The following ALOX5 variants were observed in gnomAD, a reference collection of about 807,000 sequenced individuals.
The protein encoded by ALOX5 is arachidonate 5-lipoxygenase, also known as polyunsaturated fatty acid 5-lipoxygenase.
Under a neutral mutation model 87.9 loss-of-function variants are expected in ALOX5, and 64 were observed. That is an observed-to-expected ratio of 0.73 (90% CI 0.60 to 0.90). ALOX5 has a LOEUF of 0.90. Among genes scored for constraint, ALOX5 ranks in the 40% least tolerant of loss-of-function variants. ALOX5 has a pLI of 0.00. For missense variants in ALOX5, 822 were observed against 907.5 expected, an observed-to-expected ratio of 0.91 and a Z score of 1.21; for synonymous variants, 388 against 355.1, an observed-to-expected ratio of 1.09 and a Z score of -1.04.
Position 45,425,015 on chromosome 10 carries a change from T to C in ALOX5, c.717T>C (p.Asn239=). 1 of 1,614,218 alleles carries C rather than the reference T, an allele frequency of 6.2e-7. No individual in the cohort carries two copies. Among genetic ancestry groups the C allele is most frequent in the Non-Finnish European group, 8.5e-7 (1 of 1,180,038 alleles). Residue 239 remains asparagine, a synonymous_variant, in exon 6 of 14, where the codon AAT becomes AAC. Transcript: ENST00000374391. This position sits in a 1 kb window ranked among gnomAD's most constrained non-coding sequence, Gnocchi z 4.4. ...EDLMFGYQFL[N]GCNPVLIRRC... is the part of the protein sequence containing the mutation. ...TGATGTTTGGCTACCAGTTCCTGAA[T>C]GGCTGCAACCCTGTGTTGATCCGGC...
chr10:45,412,106 G>T, intron 3 of ALOX5, 85 bp from the exon 4 acceptor site: 6 of 1,573,430 alleles, frequency 3.8e-6, no homozygotes, highest in South Asian at 1.1e-5. Context: ...GTGTAACATC[G>T]TCTGACAGTG....
chr10:45,390,222 A>C (rs1840167622), intron 2 of ALOX5, among the ~76,000 whole-genome samples: 1 of 152,152 alleles, frequency 6.6e-6, no homozygotes, highest in Non-Finnish European at 1.5e-5. Flanking sequence ...AGAGACCTAG[A>C]CTCCCACACA....
intron 7 of ALOX5, among the ~76,000 whole-genome samples, chr10:45,431,726 C>T (rs910837781): frequency 2.0e-5 from 3 of 152,002 alleles, no homozygotes; most frequent in African/African-American, 7.2e-5. Context: ...GCACCTGCCA[C>T]CACGCCCAGC....
rs370703478 is a variant in ALOX5, at chr10:45,380,899, G to T, written c.151-1584G>T. ...GGAGGTTGCAGTGAGCCGAGATCGAGCCACTGCACTCCAGCCTGAGCAACA... is the reference window on the plus strand; with the variant it reads ...GGAGGTTGCAGTGAGCCGAGATCGATCCACTGCACTCCAGCCTGAGCAACA... On this transcript the variant is annotated intron_variant, in intron 1 of 13. Coordinates refer to ENST00000374391, the MANE Select transcript of ALOX5 (RefSeq NM_000698.5). 2.0e-5 allele frequency among the ~76,000 whole-genome samples: 3 copies of T among 152,294 alleles called. No homozygotes were observed. The East Asian group carries it at 5.8e-4, about 29-fold the overall frequency.
At chr10:45,391,119 T>C (rs1052715615) in intron 2 of ALOX5, among the ~76,000 whole-genome samples, 2 of 122,356 alleles carry the variant, frequency 1.6e-5, no homozygotes, top group African/African-American at 6.3e-5. Flanking sequence ...TCCCTCTCTT[T>C]CCACGGTCTC....
intron 4 of ALOX5, among the ~76,000 whole-genome samples, chr10:45,419,899 C>G (rs1042509489): frequency 6.6e-6 from 1 of 152,104 alleles, no homozygotes; most frequent in Admixed American, 6.5e-5. Flanking sequence ...AGGACCCAGG[C>G]TGGGGATCGG....
chr10:45,391,622 G>T (rs145193311), intron 2 of ALOX5, among the ~76,000 whole-genome samples: 1 of 151,502 alleles, frequency 6.6e-6, no homozygotes, highest in African/African-American at 2.4e-5. Context: ...GTCTCTGCCC[G>T]GCCGCCATCC....
chr10:45,420,048 G>A lies in ALOX5; in HGVS notation c.555-3993G>A, dbSNP rs543208209. 2.0e-5 allele frequency among the ~76,000 whole-genome samples: 3 copies of A among 152,244 alleles called. No individual in the cohort carries two copies. In the South Asian group the frequency reaches 6.2e-4, roughly 32 times the overall value. On this transcript the variant is annotated intron_variant, in intron 4 of 13. Coordinates refer to ENST00000374391, the MANE Select transcript of ALOX5 (RefSeq NM_000698.5). ...GTCATCCCAACTCAGAAACCATTTG[G>A]CCCCAAGTCACCAAAGCACTCATAG...
intron 7 of ALOX5, 134 bp from the exon 8 acceptor site, chr10:45,440,296 C>T (rs3780914): frequency 0.51 from 480,209 of 940,476 alleles, 124,153 homozygotes; most frequent in Admixed American, 0.64. Context: ...TTACCCCCTC[C>T]AGGCTCTTCT....
chr10:45,438,977 G>A lies in ALOX5; in HGVS notation c.982-1453G>A, dbSNP rs559457173. 2.6e-5 allele frequency among the ~76,000 whole-genome samples: 4 copies of A among 152,306 alleles called. No homozygotes were observed. The East Asian group carries it at 7.7e-4, about 29-fold the overall frequency. On this transcript the variant is annotated intron_variant, in intron 7 of 13. Coordinates refer to ENST00000374391, the MANE Select transcript of ALOX5 (RefSeq NM_000698.5). The stretch of plus-strand genomic sequence containing the variant: ...TGGCCACCAGGGCTCTGGAGCACTT[G>A]GGATTTGGCTCGTCCAAACCAAAAC...
chr10:45,414,405 A>G (rs1305583218), intron 4 of ALOX5, among the ~76,000 whole-genome samples: 1 of 152,232 alleles, frequency 6.6e-6, no homozygotes, highest in African/African-American at 2.4e-5. Flanking sequence ...CTGAAGCTGG[A>G]TCCCTTCCTT....
intron 3 of ALOX5, among the ~76,000 whole-genome samples, chr10:45,397,380 C>T (rs564329795): frequency 1.3e-5 from 2 of 152,074 alleles, no homozygotes; most frequent in African/African-American, 2.4e-5. Context: ...TCCGTCCCCC[C>T]ACATACACAA....
intron 3 of ALOX5, among the ~76,000 whole-genome samples, chr10:45,406,033 TG>T (rs1840872832): frequency 1.3e-5 from 2 of 152,184 alleles, no homozygotes; most frequent in Non-Finnish European, 2.9e-5. Context: ...CGGTACAAGC[TG>T]GCATAGGATG....
At chr10:45,432,705 T>G (rs1449540420) in intron 7 of ALOX5, among the ~76,000 whole-genome samples, 1 of 152,034 alleles carries the variant, frequency 6.6e-6, no homozygotes, top group Non-Finnish European at 1.5e-5. Context: ...AAGTAAAAAT[T>G]AAAATGAAAA....
chr10:45,387,871 T>C (rs903067026), intron 2 of ALOX5, among the ~76,000 whole-genome samples: 1 of 152,188 alleles, frequency 6.6e-6, no homozygotes, highest in Admixed American at 6.5e-5. Flanking sequence ...GCTCCCAACA[T>C]GAGCAATGCA....
At chr10:45,408,116 T>G (rs1200152286) in intron 3 of ALOX5, among the ~76,000 whole-genome samples, 2 of 152,254 alleles carry the variant, frequency 1.3e-5, no homozygotes, top group African/African-American at 4.8e-5. Flanking sequence ...GAGCTTTTAC[T>G]CCTTGCATAT....
chr10:45,379,106 C>A (rs545256896), intron 1 of ALOX5, among the ~76,000 whole-genome samples: 1 of 152,240 alleles, frequency 6.6e-6, no homozygotes, highest in East Asian at 1.9e-4. Flanking sequence ...GGTCGTCACC[C>A]CCAGGTAGAC....
At chr10:45,414,634 C>T (rs562531840) in intron 4 of ALOX5, among the ~76,000 whole-genome samples, 2 of 152,242 alleles carry the variant, frequency 1.3e-5, no homozygotes, top group East Asian at 3.9e-4. Context: ...AAGAAACTAC[C>T]ATCAGAGTGA....
chr10:45,437,891 G>A (rs952635609), intron 7 of ALOX5, among the ~76,000 whole-genome samples: 3 of 152,224 alleles, frequency 2.0e-5, no homozygotes, highest in Admixed American at 6.5e-5. Context: ...TTCCATCTGC[G>A]AGGAGCACCC....
Sources: gnomAD v4.1 joint callset for allele counts (sites outside exome capture counted in the v4.1 genomes callset) on GRCh38, gnomAD v4.1.1 for gene constraint, Gnocchi (gnomAD v3.1) non-coding constraint, MANE v1.5 for transcripts, NCBI Gene and HGNC (gene_info 2026-07-23, HGNC 2026-07-21) for gene names.